The following ATP10B variants were observed in gnomAD, a reference collection of about 807,000 sequenced individuals.
The protein encoded by ATP10B is phospholipid-transporting ATPase VB.
ATP10B carries 122 observed loss-of-function variants against 141.2 expected under a neutral mutation model. The observed-to-expected ratio is 0.86, with a 90% CI of 0.75 to 1.00. The LOEUF (loss-of-function observed/expected upper bound fraction) is 1.00, where lower values mean the gene tolerates loss of function less well. ATP10B is among the 50% of genes least tolerant of loss of function. The probability of loss-of-function intolerance (pLI) is 0.00; values close to 1 mark genes in which losing one functional copy is unlikely to be tolerated. For missense variants in ATP10B, 1,876 were observed against 1,825.3 expected (o/e 1.03, Z -0.51); for synonymous variants, 685 against 692.0 (o/e 0.99, Z 0.16).
chr5:160,882,940 G>T, the ATP10B span, among the ~76,000 whole-genome samples: 1 of 151,294 alleles, frequency 6.6e-6, no homozygotes, highest in Non-Finnish European at 1.5e-5. Context: ...AGAATTGGTT[G>T]GTCTGCCAAA....
intron 2 of ATP10B, among the ~76,000 whole-genome samples, chr5:160,753,851 G>C (rs1330412847): frequency 6.6e-6 from 1 of 152,154 alleles, no homozygotes; most frequent in Non-Finnish European, 1.5e-5. Flanking sequence ...GAGGCACAGA[G>C]TGTTACAAAA....
chr5:160,607,122 A>C (rs779174415), intron 18 of ATP10B, 36 bp from the exon 19 acceptor site: 1 of 1,547,206 alleles, frequency 6.5e-7, no homozygotes, highest in South Asian at 1.2e-5. Context: ...ATTTGTAAGC[A>C]ACCTTGGAAA....
At chr5:160,825,611 A>G (rs1280071535) in intron 1 of ATP10B, among the ~76,000 whole-genome samples, 2 of 152,288 alleles carry the variant, frequency 1.3e-5, no homozygotes, top group Non-Finnish European at 1.5e-5. Flanking sequence ...ATTAAAATTT[A>G]TTTCACCAAT....
intron 2 of ATP10B, among the ~76,000 whole-genome samples, chr5:160,782,531 G>A (rs926121682): frequency 2.7e-5 from 4 of 150,498 alleles, no homozygotes; most frequent in Middle Eastern, 3.2e-3. Context: ...CCCCCAGAAG[G>A]GATCATGCAG....
intron 1 of ATP10B, among the ~76,000 whole-genome samples, chr5:160,851,017 C>G (rs1753774056): frequency 6.6e-6 from 1 of 152,164 alleles, no homozygotes. Context: ...ATACTCCAAG[C>G]AGTCTTGACT....
chr5:160,693,630 C>A (rs540699733), intron 3 of ATP10B, among the ~76,000 whole-genome samples: 1 of 152,130 alleles, frequency 6.6e-6, no homozygotes, highest in African/African-American at 2.4e-5. Flanking sequence ...GGTCTTCAAC[C>A]TTTTTGGCAC....
intron 1 of ATP10B, among the ~76,000 whole-genome samples, chr5:160,804,386 A>T (rs1772626327): frequency 6.6e-6 from 1 of 152,132 alleles, no homozygotes; most frequent in Admixed American, 6.5e-5. Context: ...GAATATAGAG[A>T]GTGTTCTATA....
intron 1 of ATP10B, among the ~76,000 whole-genome samples, chr5:160,818,575 G>T (rs1297372772): frequency 1.3e-5 from 2 of 152,348 alleles, no homozygotes; most frequent in African/African-American, 4.8e-5. Context: ...TTCAACCATT[G>T]TGGAAGTCAG....
intron 2 of ATP10B, among the ~76,000 whole-genome samples, chr5:160,721,363 T>A (rs1185475199): frequency 6.6e-6 from 1 of 152,170 alleles, no homozygotes; most frequent in African/African-American, 2.4e-5. Context: ...GCTAATGCTC[T>A]CACTTTTGCC....
At chr5:160,747,288 C>G (rs1234589809) in intron 2 of ATP10B, among the ~76,000 whole-genome samples, 1 of 152,134 alleles carries the variant, frequency 6.6e-6, no homozygotes, top group South Asian at 2.1e-4. Flanking sequence ...CTTCCTAGTA[C>G]TTTTTCAAGC....
At chr5:160,649,300 C>T (rs757297432) in intron 7 of ATP10B, 44 bp from the exon 8 acceptor site, 1 of 1,429,022 alleles carries the variant, frequency 7.0e-7, no homozygotes, top group Non-Finnish European at 9.9e-7. Context: ...TCAGAGGGAT[C>T]TAGTTTTAAT....
chr5:160,728,749 A>G (rs1766535224), intron 2 of ATP10B, among the ~76,000 whole-genome samples: 1 of 151,636 alleles, frequency 6.6e-6, no homozygotes, highest in Non-Finnish European at 1.5e-5. Flanking sequence ...GGGTGGTCTT[A>G]TGGACTGGGC....
chr5:160,837,901 T>C (rs1300731630), intron 1 of ATP10B, among the ~76,000 whole-genome samples: 1 of 152,186 alleles, frequency 6.6e-6, no homozygotes, highest in Non-Finnish European at 1.5e-5. Flanking sequence ...TTATGTCTCA[T>C]AGAAGTTTGA....
chr5:160,580,675 A>G (rs186552339), intron 24 of ATP10B, among the ~76,000 whole-genome samples: 2 of 152,180 alleles, frequency 1.3e-5, no homozygotes, highest in African/African-American at 4.8e-5. Context: ...GGCTTCATAA[A>G]ATGAGTTAGG....
intron 1 of ATP10B, among the ~76,000 whole-genome samples, chr5:160,803,370 A>G (rs1013795785): frequency 7.2e-5 from 11 of 152,118 alleles, no homozygotes; most frequent in African/African-American, 2.4e-4. Flanking sequence ...AGAGGCATCA[A>G]CTGAGGCATA....
Position 160,598,924 on chromosome 5 carries a change from G to A in ATP10B, c.3410C>T (p.Ser1137Phe), listed in dbSNP as rs778897678. The change falls in exon 22 of 26, where the codon TCC becomes TTC. Residue 1137 changes from serine to phenylalanine, a missense_variant. Transcript: ENST00000327245. ...CCAGTAATCAATCATGGTGGAGCTGGAGAAACCACAGAAGAACTGATACCA... is the reference window on the plus strand; with the variant it reads ...CCAGTAATCAATCATGGTGGAGCTGAAGAAACCACAGAAGAACTGATACCA... ...LFWYQFFCGF[S>F]SSTMIDYWQM... The A allele has an allele frequency of 1.2e-6, 2 of 1,614,154 alleles. No individual in the cohort carries two copies. Among genetic ancestry groups the A allele is most frequent in the Admixed American group, 3.3e-5 (2 of 60,026 alleles).
chr5:160,675,841 A>G (rs1282563615), intron 6 of ATP10B, among the ~76,000 whole-genome samples: 1 of 141,194 alleles, frequency 7.1e-6, no homozygotes, highest in African/African-American at 2.6e-5. Flanking sequence ...AGCACCAGAA[A>G]GAAACAGCTG....
chr5:160,734,869 G>A (rs1490701235), intron 2 of ATP10B, among the ~76,000 whole-genome samples: 1 of 151,858 alleles, frequency 6.6e-6, no homozygotes, highest in Admixed American at 6.6e-5. Flanking sequence ...AAATAAGTAA[G>A]AATATAGTAG....
At chr5:160,875,766 C>G in the ATP10B span, among the ~76,000 whole-genome samples, 1 of 61,038 alleles carries the variant, frequency 1.6e-5, no homozygotes, top group African/African-American at 3.8e-5. Context: ...TTTAAACCAA[C>G]AAAGATCAAA....
Sources: gnomAD v4.1 joint callset for allele counts (sites outside exome capture counted in the v4.1 genomes callset) on GRCh38, gnomAD v4.1.1 for gene constraint, MANE v1.5 for transcripts, NCBI Gene and HGNC (gene_info 2026-07-23, HGNC 2026-07-21) for gene names.